The following MCUB variants were observed in gnomAD, a reference collection of about 807,000 sequenced individuals.
MCUB encodes the protein mitochondrial calcium uniporter dominant negative subunit beta.
A neutral mutation model predicts 41.4 loss-of-function variants in MCUB; 46 were observed. That is an observed-to-expected ratio of 1.11 (90% confidence interval 0.88 to 1.42). The LOEUF is 1.42. Ranked by LOEUF, MCUB falls within the 40% of genes most tolerant of loss-of-function variation. The pLI, the probability that MCUB is intolerant of heterozygous loss-of-function variation, is 0.00. For missense variants in MCUB, 403 were observed against 404.9 expected, an observed-to-expected ratio of 1.00 and a Z score of 0.04; for synonymous variants, 148 against 148.2, an observed-to-expected ratio of 1.00 and a Z score of 0.01.
intron 1 of MCUB, among the ~76,000 whole-genome samples, chr4:109,613,299 A>G (rs1439325817): frequency 1.3e-5 from 2 of 152,196 alleles, no homozygotes; most frequent in East Asian, 1.9e-4. Flanking sequence ...GTGGCTCAAA[A>G]TGGCACACAT....
At chr4:109,657,694 C>A (rs945860219) in intron 1 of MCUB, among the ~76,000 whole-genome samples, 1 of 152,154 alleles carries the variant, frequency 6.6e-6, no homozygotes, top group Admixed American at 6.5e-5. Flanking sequence ...CTTTCTACTC[C>A]CACAATATCT....
chr4:109,598,743 C>T (rs1380497799), intron 1 of MCUB, among the ~76,000 whole-genome samples: 1 of 152,192 alleles, frequency 6.6e-6, no homozygotes, highest in East Asian at 1.9e-4. Flanking sequence ...TGTCCGAGAA[C>T]ATCAAGCTGA....
At chr4:109,609,733 C>T (rs1261458248) in intron 1 of MCUB, among the ~76,000 whole-genome samples, 1 of 152,156 alleles carries the variant, frequency 6.6e-6, no homozygotes, top group African/African-American at 2.4e-5. Flanking sequence ...GAATCCAACA[C>T]AGCACTGAGT....
intron 1 of MCUB, among the ~76,000 whole-genome samples, chr4:109,611,604 A>G (rs1039796180): frequency 6.6e-6 from 1 of 152,230 alleles, no homozygotes; most frequent in African/African-American, 2.4e-5. Flanking sequence ...TAGTGGAGAT[A>G]ATAGAGATAT....
intron 1 of MCUB, among the ~76,000 whole-genome samples, chr4:109,633,399 C>G (rs1448019933): frequency 1.3e-5 from 2 of 151,750 alleles, no homozygotes; most frequent in Middle Eastern, 3.2e-3. Context: ...TCCTGAGTAG[C>G]TGGGACTACA....
chr4:109,597,629 C>T (rs1340665948), intron 1 of MCUB, among the ~76,000 whole-genome samples: 40 of 138,234 alleles, frequency 2.9e-4, no homozygotes, highest in Admixed American at 5.8e-4. Flanking sequence ...GCTGGCCGGG[C>T]GGGGGGCTGA....
chr4:109,672,866 A>G (rs1729490249), intron 4 of MCUB, among the ~76,000 whole-genome samples: 1 of 152,128 alleles, frequency 6.6e-6, no homozygotes, highest in East Asian at 1.9e-4. Context: ...TTACTTTTTG[A>G]TATAGAAAGA....
rs1726590001 is a variant in MCUB, at chr4:109,560,345, A to C, written c.8A>C (p.Gln3Pro). The C allele has an allele frequency of 2.3e-6, 3 of 1,299,968 alleles. No individual in the cohort carries two copies. The allele number at this position is 1,299,968 out of a possible 1,614,324, so 80.5% of individuals were successfully genotyped here. The part of the protein sequence containing the change: ML[Q>P]RGLWPWRTRL... ...CGCGCCTGGGGCGGGAGGATGCTCC[A>C]GAGGGGCCTCTGGCCGTGGCGCACG... is the stretch of plus-strand genomic sequence containing the variant. The change falls in exon 1 of 8, where the codon CAG becomes CCG. Residue 3 changes from glutamine (Q) to proline (P), a missense_variant. Coordinates refer to ENST00000394650, the MANE Select transcript of MCUB (RefSeq NM_017918.5).
At chr4:109,668,682 T>A (rs1729394349) in intron 4 of MCUB, among the ~76,000 whole-genome samples, 1 of 152,024 alleles carries the variant, frequency 6.6e-6, no homozygotes, top group African/African-American at 2.4e-5. Context: ...GCTACTGTTT[T>A]CTATTTGTTG....
At chr4:109,644,387 G>A (rs951864904) in intron 1 of MCUB, among the ~76,000 whole-genome samples, 16 of 152,146 alleles carry the variant, frequency 1.1e-4, no homozygotes, top group Admixed American at 9.2e-4. Flanking sequence ...AGATAGATAA[G>A]CTCACGTTGT....
intron 1 of MCUB, among the ~76,000 whole-genome samples, chr4:109,630,110 T>A (rs1307877118): frequency 6.6e-6 from 1 of 151,904 alleles, no homozygotes; most frequent in Admixed American, 6.6e-5. Flanking sequence ...GTAGACCAAA[T>A]ATATATTTCA....
At chr4:109,609,109 G>T (rs1727945237) in intron 1 of MCUB, among the ~76,000 whole-genome samples, 1 of 152,134 alleles carries the variant, frequency 6.6e-6, no homozygotes, top group Non-Finnish European at 1.5e-5. Flanking sequence ...AGCTGGGAGT[G>T]GGGTGACACA....
Position 109,560,430 on chromosome 4 carries a change from G to A in MCUB, c.93G>A (p.Pro31=). 1.6e-6 allele frequency: 2 copies of A among 1,287,186 alleles called. No homozygotes were observed. Among genetic ancestry groups the A allele is most frequent in the Admixed American group, 4.0e-5 (1 of 24,738 alleles). 79.7% of individuals were successfully genotyped at this position (1,287,186 alleles called of 1,614,324 possible). A position where few individuals can be genotyped will look rare whatever the true frequency, so the allele number is the denominator to read the frequency against. ...CGCGCCCGTGGCCGCTGCCGCCTCCGCCCCAGGTAAGAGCGGGTGCCGGGC... is the reference window on the plus strand; with the variant it reads ...CGCGCCCGTGGCCGCTGCCGCCTCCACCCCAGGTAAGAGCGGGTGCCGGGC... ...RPARPWPLPP[P]PQVLRVKLCG... is the part of the protein sequence containing the mutation. Residue 31 remains proline (P), a synonymous_variant, in exon 1 of 8, where the codon CCG becomes CCA. Coordinates refer to ENST00000394650, the MANE Select transcript of MCUB (RefSeq NM_017918.5).
intron 1 of MCUB, among the ~76,000 whole-genome samples, chr4:109,636,274 A>C (rs868718147): frequency 6.6e-6 from 1 of 152,226 alleles, no homozygotes; most frequent in Admixed American, 6.5e-5. Flanking sequence ...AAAAGGTTTC[A>C]GTCACATATA....
intron 1 of MCUB, among the ~76,000 whole-genome samples, chr4:109,615,342 G>A (rs993098587): frequency 3.3e-5 from 5 of 151,910 alleles, no homozygotes; most frequent in African/African-American, 1.2e-4. Context: ...CAACCCAAAA[G>A]AAGAGACTTG....
intron 1 of MCUB, among the ~76,000 whole-genome samples, chr4:109,610,407 A>G (rs1327939550): frequency 6.6e-6 from 1 of 152,108 alleles, no homozygotes; most frequent in Non-Finnish European, 1.5e-5. Flanking sequence ...CCCCTCTCCT[A>G]TTATATCTTT....
chr4:109,645,373 A>C (rs2126141314), intron 1 of MCUB, among the ~76,000 whole-genome samples: 1 of 145,714 alleles, frequency 6.9e-6, no homozygotes, highest in Non-Finnish European at 1.5e-5. Flanking sequence ...TATTTCCCCT[A>C]GATTACCTTA....
intron 1 of MCUB, among the ~76,000 whole-genome samples, chr4:109,640,279 C>T (rs535939405): frequency 3.7e-4 from 56 of 152,330 alleles, no homozygotes; most frequent in African/African-American, 1.3e-3. Flanking sequence ...GGAATGTCAT[C>T]TTTTGTGGTT....
At chr4:109,581,045 G>C (rs1727161153) in intron 1 of MCUB, among the ~76,000 whole-genome samples, 1 of 152,118 alleles carries the variant, frequency 6.6e-6, no homozygotes, top group Non-Finnish European at 1.5e-5. Context: ...AGTTCATATG[G>C]AACCAAAAAA....
Sources: allele counts gnomAD v4.1 joint callset (sites outside exome capture counted in the v4.1 genomes callset), GRCh38; gene constraint gnomAD v4.1.1; transcripts MANE v1.5; gene names NCBI Gene and HGNC (gene_info 2026-07-23, HGNC 2026-07-21).